ITCH: variants seen among roughly 807,000 people sequenced by gnomAD.
The protein encoded by ITCH is E3 ubiquitin-protein ligase Itchy homolog.
ITCH carries 28 observed loss-of-function variants against 126.8 expected under a neutral mutation model. That is an observed-to-expected ratio of 0.22 (90% CI 0.16 to 0.30). The LOEUF (loss-of-function observed/expected upper bound fraction) is 0.30, where lower values mean the gene tolerates loss of function less well. ITCH is among the 10% of genes least tolerant of loss of function. The probability of loss-of-function intolerance (pLI) is 1.00; values close to 1 mark genes in which losing one functional copy is unlikely to be tolerated. For synonymous variants in ITCH, 342 were observed against 340.0 expected (o/e 1.01, Z -0.06); for missense variants, 631 against 1,032.4 (o/e 0.61, Z 5.33).
Position 34,476,237 on chromosome 20 carries a change from T to G in ITCH, c.1570-1535T>G, listed in dbSNP as rs1988205092. Reference sequence around the variant, plus strand: ...GAATCACCAACTTTTCCTTTGGTTGTTAATGTTTCACCATCACAGTTTATA... The same window carrying G: ...GAATCACCAACTTTTCCTTTGGTTGGTAATGTTTCACCATCACAGTTTATA... On this transcript the variant is annotated intron_variant, in intron 16 of 24. Coordinates refer to ENST00000374864, the MANE Select transcript of ITCH (RefSeq NM_031483.7). The G allele has an allele frequency of 7.4e-6, 6 of 808,310 alleles. No homozygotes were observed. In the Admixed American group the frequency reaches 1.0e-4, roughly 14 times the overall value. The allele number at this position is 808,310 out of a possible 1,614,324, so 50.1% of individuals were successfully genotyped here.
At position 34,492,605 on chromosome 20, in the gene ITCH, T is replaced by C; in HGVS notation, c.2416+8T>C. 1 of 1,565,198 alleles carries C rather than the reference T, an allele frequency of 6.4e-7. No individual in the cohort carries two copies. The highest frequency in any genetic ancestry group is 1.1e-5 in the South Asian group (1 of 90,068). Reference sequence around the variant, plus strand: ...GATTTGCTGATCTCATGGGTATGTATACAGGATCACTTTTCCTATACAGAA... The same window carrying C: ...GATTTGCTGATCTCATGGGTATGTACACAGGATCACTTTTCCTATACAGAA... On this transcript the variant is annotated splice_region_variant and intron_variant, in intron 23 of 24. Coordinates refer to ENST00000374864, the MANE Select transcript of ITCH (RefSeq NM_031483.7).
At chr20:34,422,928 G>A (rs1256839928) in intron 6 of ITCH, among the ~76,000 whole-genome samples, 2 of 152,036 alleles carry the variant, frequency 1.3e-5, no homozygotes, top group East Asian at 3.8e-4. Context: ...CTGAGTGGTT[G>A]GGACTACAGG....
chr20:34,445,593 A>AT (rs1206299650), intron 11 of ITCH, 132 bp downstream of exon 11: 2 of 814,554 alleles, frequency 2.5e-6, no homozygotes, highest in Non-Finnish European at 4.0e-6. Flanking sequence ...AGTAGGTATT[A>AT]TTTTTAGACC....
At chr20:34,442,764 G>A (rs1392823380) in intron 10 of ITCH, among the ~76,000 whole-genome samples, 1 of 151,548 alleles carries the variant, frequency 6.6e-6, no homozygotes, top group African/African-American at 2.4e-5. Flanking sequence ...ACGAGCTCAG[G>A]AGATTGAGAC....
chr20:34,444,676 C>A (rs1157486904), intron 10 of ITCH, among the ~76,000 whole-genome samples: 3 of 152,164 alleles, frequency 2.0e-5, no homozygotes, highest in Non-Finnish European at 4.4e-5. Flanking sequence ...GAGACTCACT[C>A]TGTTGCCCAG....
chr20:34,460,352 CTT>C (rs749083015), intron 13 of ITCH, among the ~76,000 whole-genome samples: 10 of 108,952 alleles, frequency 9.2e-5, no homozygotes, highest in Admixed American at 1.9e-4. Flanking sequence ...CCACACCCAG[CTT>C]TTTTTTTTTT....
intron 2 of ITCH, among the ~76,000 whole-genome samples, chr20:34,378,471 C>CAAAAAAAAAAAAAAAAAAAAAAAAAAAA (rs35400213): frequency 2.1e-5 from 1 of 48,682 alleles, no homozygotes; most frequent in Non-Finnish European, 3.5e-5. Context: ...AACTCTGTCT[C>CAAAAAAAAAAAAAAAAAAAAAAAAAAAA]AAAAAAAAAA....
intron 2 of ITCH, among the ~76,000 whole-genome samples, chr20:34,385,488 G>T (rs1278184675): frequency 1.3e-5 from 2 of 151,896 alleles, no homozygotes; most frequent in Non-Finnish European, 2.9e-5. Context: ...TATTTATTGT[G>T]GCAAATGCTT....
intron 7 of ITCH, among the ~76,000 whole-genome samples, chr20:34,429,699 A>C (rs1323517845): frequency 1.3e-5 from 2 of 152,176 alleles, no homozygotes; most frequent in African/African-American, 4.8e-5. Flanking sequence ...TAGAACTGTC[A>C]ATCTGTCTTA....
chr20:34,417,703 C>CT (rs77967776), intron 6 of ITCH, among the ~76,000 whole-genome samples: 9,823 of 109,022 alleles, frequency 0.09, 1,432 homozygotes, highest in African/African-American at 0.31. Flanking sequence ...CCTGGCCCAG[C>CT]TTTTTTTTTT....
intron 23 of ITCH, among the ~76,000 whole-genome samples, chr20:34,503,869 GGT>G (rs1990432938): frequency 8.7e-6 from 1 of 114,432 alleles, no homozygotes; most frequent in African/African-American, 3.5e-5. Flanking sequence ...TTTTTTTTTT[GGT>G]TTTTTTTTTT....
At chr20:34,410,841 A>G (rs1978928354) in intron 4 of ITCH, among the ~76,000 whole-genome samples, 2 of 152,322 alleles carry the variant, frequency 1.3e-5, no homozygotes, top group Middle Eastern at 6.8e-3. Flanking sequence ...TGTTAATGTC[A>G]TGAACTTCTT....
intron 3 of ITCH, among the ~76,000 whole-genome samples, chr20:34,401,232 A>T (rs934524894): frequency 3.3e-5 from 5 of 151,908 alleles, no homozygotes; most frequent in African/African-American, 1.2e-4. Flanking sequence ...CCATTTAATT[A>T]TGCCTATATA....
intron 3 of ITCH, among the ~76,000 whole-genome samples, chr20:34,399,018 G>A (rs1175713356): frequency 2.0e-5 from 3 of 152,134 alleles, no homozygotes; most frequent in African/African-American, 7.2e-5. Flanking sequence ...CTCTTAATGG[G>A]TCAGTTATAG....
chr20:34,430,113 G>C (rs1427438274), intron 7 of ITCH, among the ~76,000 whole-genome samples: 1 of 152,188 alleles, frequency 6.6e-6, no homozygotes, highest in Non-Finnish European at 1.5e-5. Context: ...TAGACACTAT[G>C]CTCAACATGT....
chr20:34,437,407 A>G (rs1008632146), intron 7 of ITCH, among the ~76,000 whole-genome samples: 3 of 152,070 alleles, frequency 2.0e-5, no homozygotes, highest in Admixed American at 6.6e-5. Flanking sequence ...CCAGACTCAA[A>G]CAATCCTCCC....
At chr20:34,474,124 C>A (rs1439654440) in intron 16 of ITCH, among the ~76,000 whole-genome samples, 1 of 152,104 alleles carries the variant, frequency 6.6e-6, no homozygotes, top group Non-Finnish European at 1.5e-5. Flanking sequence ...TAATATCTGA[C>A]TGACATTTTT....
At chr20:34,464,502 T>C (rs913327650) in intron 14 of ITCH, among the ~76,000 whole-genome samples, 5 of 151,952 alleles carry the variant, frequency 3.3e-5, no homozygotes, top group African/African-American at 1.2e-4. Context: ...AATTTTGTAT[T>C]TTTAGTAGAA....
intron 12 of ITCH, among the ~76,000 whole-genome samples, chr20:34,452,003 A>G (rs1985314386): frequency 6.6e-6 from 1 of 151,006 alleles, no homozygotes; most frequent in South Asian, 2.1e-4. Flanking sequence ...TGGGAAGTCA[A>G]GGCTGCAAGT....
Sources: gnomAD v4.1 joint callset for allele counts (sites outside exome capture counted in the v4.1 genomes callset) on GRCh38, gnomAD v4.1.1 for gene constraint, MANE v1.5 for transcripts, NCBI Gene and HGNC (gene_info 2026-07-23, HGNC 2026-07-21) for gene names.